MKLN1: variants seen among roughly 807,000 people sequenced by gnomAD.
MKLN1 encodes the protein muskelin.
MKLN1 carries 18 observed loss-of-function variants against 99.0 expected under a neutral mutation model. The observed-to-expected ratio is 0.18, with a 90% CI of 0.13 to 0.27. The LOEUF is 0.27. Among genes scored for constraint, MKLN1 ranks in the 10% least tolerant of loss-of-function variants. The pLI is 1.00. For missense variants in MKLN1, 621 were observed against 875.9 expected, an observed-to-expected ratio of 0.71 and a Z score of 3.67; for synonymous variants, 288 against 293.2, an observed-to-expected ratio of 0.98 and a Z score of 0.18.
chr7:131,314,206 G>T (rs1332113349), intron 3 of MKLN1, among the ~76,000 whole-genome samples: 1 of 152,118 alleles, frequency 6.6e-6, no homozygotes, highest in African/African-American at 2.4e-5. Flanking sequence ...GGGATCAGGC[G>T]ACACGATACA....
intron 2 of MKLN1, among the ~76,000 whole-genome samples, chr7:131,196,471 T>G (rs1465077833): frequency 6.6e-6 from 1 of 152,232 alleles, no homozygotes; most frequent in Non-Finnish European, 1.5e-5. Context: ...CTTATTTATT[T>G]ATTTATTATA....
At chr7:131,184,795 G>A (rs1016893883) in intron 2 of MKLN1, among the ~76,000 whole-genome samples, 1 of 152,070 alleles carries the variant, frequency 6.6e-6, no homozygotes, top group African/African-American at 2.4e-5. Context: ...CAAAGTGCTG[G>A]GATCACAGGC....
chr7:131,470,869 C>T lies in MKLN1; in HGVS notation c.1956C>T (p.Pro652=). ...TTGAAGAAAAGGCCCAAGTGGATCCCCTTAGTGCTCTGAAATATTTACAAA... is the reference window on the plus strand; with the variant it reads ...TTGAAGAAAAGGCCCAAGTGGATCCTCTTAGTGCTCTGAAATATTTACAAA... ...HRFEEKAQVD[P]LSALKYLQND... The change falls in exon 16 of 18, where the codon CCC becomes CCT. Residue 652 remains proline (P), a synonymous_variant. Coordinates refer to ENST00000352689, the MANE Select transcript of MKLN1 (RefSeq NM_013255.5). 1 of 1,612,472 alleles carries T rather than the reference C, an allele frequency of 6.2e-7. No homozygotes were observed. The highest frequency in any genetic ancestry group is 8.5e-7 in the Non-Finnish European group (1 of 1,178,704).
intron 2 of MKLN1, among the ~76,000 whole-genome samples, chr7:131,379,375 T>C (rs555867407): frequency 2.6e-5 from 4 of 152,282 alleles, no homozygotes; most frequent in Admixed American, 2.6e-4. Flanking sequence ...TTAAAATTAC[T>C]GAAAGATACT....
chr7:131,284,520 G>A (rs1798104595), intron 3 of MKLN1, among the ~76,000 whole-genome samples: 1 of 152,194 alleles, frequency 6.6e-6, no homozygotes. Flanking sequence ...GGATTTAGAT[G>A]TTTGAGGAAA....
At chr7:131,245,263 A>G (rs1797468417) in intron 3 of MKLN1, among the ~76,000 whole-genome samples, 1 of 148,024 alleles carries the variant, frequency 6.8e-6, no homozygotes, top group Non-Finnish European at 1.5e-5. Flanking sequence ...AGATTATTAT[A>G]CGGTCTTTTT....
At chr7:131,221,083 C>T (rs1411769625) in intron 3 of MKLN1, among the ~76,000 whole-genome samples, 8 of 152,148 alleles carry the variant, frequency 5.3e-5, no homozygotes, top group Admixed American at 2.6e-4. Context: ...TGCAGCAAAC[C>T]TTTATCTGCT....
chr7:131,435,851 C>G (rs1400371613), intron 9 of MKLN1, among the ~76,000 whole-genome samples: 1 of 151,818 alleles, frequency 6.6e-6, no homozygotes, highest in East Asian at 1.9e-4. Context: ...TGTTAATTTT[C>G]TCTATTTTTT....
chr7:131,350,913 A>G (rs1799701427), intron 1 of MKLN1, among the ~76,000 whole-genome samples: 1 of 152,232 alleles, frequency 6.6e-6, no homozygotes, highest in Non-Finnish European at 1.5e-5. Context: ...TTTTATGGCC[A>G]CAATGTCATT....
intron 1 of MKLN1, among the ~76,000 whole-genome samples, chr7:131,360,177 T>A (rs1799988862): frequency 6.6e-6 from 1 of 152,232 alleles, no homozygotes; most frequent in African/African-American, 2.4e-5. Context: ...TATATTCACC[T>A]ATTTGTATCT....
intron 1 of MKLN1, among the ~76,000 whole-genome samples, chr7:131,136,470 T>A (rs1054966075): frequency 6.6e-6 from 1 of 152,212 alleles, no homozygotes; most frequent in Non-Finnish European, 1.5e-5. Context: ...TAATGAAGTA[T>A]GAAGAATACA....
intron 2 of MKLN1, among the ~76,000 whole-genome samples, chr7:131,165,716 C>A (rs1451291260): frequency 6.6e-6 from 1 of 152,098 alleles, no homozygotes. Context: ...AGCAGGGAGA[C>A]AAATAAGATA....
At chr7:131,456,739 G>A (rs4731798) in intron 12 of MKLN1, among the ~76,000 whole-genome samples, 50,773 of 151,824 alleles carry the variant, frequency 0.33, 9,063 homozygotes, top group East Asian at 0.48. Context: ...ATCATATATG[G>A]ACATGATTCT....
At chr7:131,319,715 TCTC>T (rs1300296147) in intron 3 of MKLN1, among the ~76,000 whole-genome samples, 5 of 152,078 alleles carry the variant, frequency 3.3e-5, no homozygotes, top group Admixed American at 2.0e-4. Context: ...AGCCCCAAAA[TCTC>T]CTTAAGCTGA....
chr7:131,244,254 G>A (rs1359616578), intron 3 of MKLN1, among the ~76,000 whole-genome samples: 1 of 152,140 alleles, frequency 6.6e-6, no homozygotes, highest in Non-Finnish European at 1.5e-5. Context: ...AAGTAGAGAA[G>A]GCTACAGATT....
At chr7:131,368,123 G>A (rs1230991451) in intron 1 of MKLN1, among the ~76,000 whole-genome samples, 1 of 152,160 alleles carries the variant, frequency 6.6e-6, no homozygotes, top group Non-Finnish European at 1.5e-5. Context: ...AGGGGCTGAT[G>A]TTAGCAGTCA....
intron 2 of MKLN1, among the ~76,000 whole-genome samples, chr7:131,383,167 T>G (rs1253968774): frequency 6.6e-6 from 1 of 152,216 alleles, no homozygotes; most frequent in Non-Finnish European, 1.5e-5. Flanking sequence ...GTTTCTCTAC[T>G]TGTCCTAGAA....
intron 2 of MKLN1, among the ~76,000 whole-genome samples, chr7:131,185,084 G>A (rs68003905): frequency 0.34 from 51,107 of 151,836 alleles, 8,906 homozygotes; most frequent in East Asian, 0.57. Flanking sequence ...GGAGAAATCA[G>A]ATCAGAGTTC....
At chr7:131,369,987 C>T (rs941003220) in intron 1 of MKLN1, among the ~76,000 whole-genome samples, 1 of 152,176 alleles carries the variant, frequency 6.6e-6, no homozygotes, top group African/African-American at 2.4e-5. Flanking sequence ...CGGGCACGTG[C>T]CACCATGCCT....
Sources: gnomAD v4.1 joint callset for allele counts (sites outside exome capture counted in the v4.1 genomes callset) on GRCh38, gnomAD v4.1.1 for gene constraint, MANE v1.5 for transcripts, NCBI Gene and HGNC (gene_info 2026-07-23, HGNC 2026-07-21) for gene names.